The following LRIF1 variants were observed in gnomAD, a reference collection of about 807,000 sequenced individuals.
LRIF1 encodes the protein ligand-dependent nuclear receptor-interacting factor 1.
LRIF1 carries 32 observed loss-of-function variants against 52.7 expected under a neutral mutation model. The ratio of observed to expected loss-of-function variants is 0.61; its 90% CI spans 0.46 to 0.82. The LOEUF is 0.82. Among genes scored for constraint, LRIF1 ranks in the 40% least tolerant of loss-of-function variants. The pLI is 0.00. For missense variants in LRIF1, 887 were observed against 892.0 expected, an observed-to-expected ratio of 0.99 and a Z score of 0.07; for synonymous variants, 323 against 317.4, an observed-to-expected ratio of 1.02 and a Z score of -0.19.
the LRIF1 span, chr1:110,937,168 T>C: frequency 1.3e-5 from 2 of 152,106 alleles, no homozygotes; most frequent in African/African-American, 4.8e-5. Flanking sequence ...ATTGGACATA[T>C]CTTTCAGACA....
In LRIF1 at chr1:110,950,631, C is replaced by A. The variant is rs528053854; in HGVS notation, c.1597-508G>T. Among the ~76,000 whole-genome samples, 11 of 151,910 alleles carry A rather than the reference C, an allele frequency of 7.2e-5. 1 individual carries two copies. In the East Asian group the frequency reaches 2.1e-3, roughly 29 times the overall value. Reference sequence around the variant, plus strand: ...TCTAGTAAGCACACAGACAGACAAACCTTAAGTCGAACATAAAGGTAACTA... The same window carrying A: ...TCTAGTAAGCACACAGACAGACAAAACTTAAGTCGAACATAAAGGTAACTA... On this transcript the variant is annotated intron_variant, in intron 2 of 3. Coordinates refer to ENST00000369763, the MANE Select transcript of LRIF1 (RefSeq NM_018372.4).
At chr1:110,877,524 C>A in the LRIF1 span, among the ~76,000 whole-genome samples, 2 of 152,252 alleles carry the variant, frequency 1.3e-5, no homozygotes, top group Admixed American at 1.3e-4. Flanking sequence ...AGTCCCTGTC[C>A]CACCTCAGCT....
chr1:110,937,328 T>G, the LRIF1 span: 1 of 152,036 alleles, frequency 6.6e-6, no homozygotes, highest in Non-Finnish European at 1.5e-5. Context: ...ATATTTTAGG[T>G]AACAAAACGA....
the LRIF1 span, among the ~76,000 whole-genome samples, chr1:110,929,551 C>T: frequency 1.8e-4 from 28 of 152,170 alleles, no homozygotes; most frequent in African/African-American, 6.7e-4. Context: ...TTGTGGCCCG[C>T]ATGTATGTCT....
the LRIF1 span, among the ~76,000 whole-genome samples, chr1:110,918,404 A>G: frequency 1.2e-4 from 19 of 152,192 alleles, no homozygotes; most frequent in Non-Finnish European, 2.8e-4. Flanking sequence ...TTACTAATAG[A>G]CAAAACATTT....
chr1:110,940,496 A>C, the LRIF1 span: 1 of 152,212 alleles, frequency 6.6e-6, no homozygotes, highest in African/African-American at 2.4e-5. Context: ...CCTCCAAAAA[A>C]AGAAATCAGT....
intron 1 of LRIF1, among the ~76,000 whole-genome samples, chr1:110,961,189 C>T (rs994205282): frequency 6.6e-6 from 1 of 152,186 alleles, no homozygotes; most frequent in Admixed American, 6.5e-5. Context: ...TACTCTCTTC[C>T]TTTACTACAT....
At chr1:110,899,187 G>A in the LRIF1 span, 3 of 1,612,496 alleles carry the variant, frequency 1.9e-6, no homozygotes, top group Non-Finnish European at 2.5e-6. Flanking sequence ...CCAGACCATA[G>A]GGCTATGATC....
At chr1:110,877,012 A>G in the LRIF1 span, among the ~76,000 whole-genome samples, 1 of 152,224 alleles carries the variant, frequency 6.6e-6, no homozygotes, top group Non-Finnish European at 1.5e-5. Flanking sequence ...GATCAAAACC[A>G]GGAAATTAAC....
chr1:110,920,333 C>T, the LRIF1 span, among the ~76,000 whole-genome samples: 1 of 152,104 alleles, frequency 6.6e-6, no homozygotes. Flanking sequence ...GTGGTACATC[C>T]AGACAATAGA....
At chr1:110,932,636 A>G in the LRIF1 span, among the ~76,000 whole-genome samples, 7 of 151,902 alleles carry the variant, frequency 4.6e-5, no homozygotes, top group African/African-American at 1.7e-4. Context: ...TTTATTATTG[A>G]TGCTTATCTT....
At chr1:110,923,249 G>A in the LRIF1 span, among the ~76,000 whole-genome samples, 61 of 152,166 alleles carry the variant, frequency 4.0e-4, no homozygotes, top group African/African-American at 1.2e-3. Flanking sequence ...GCAGTGAGCC[G>A]AGATCGCACC....
the LRIF1 span, among the ~76,000 whole-genome samples, chr1:110,881,376 C>T: frequency 1.3e-5 from 2 of 151,886 alleles, no homozygotes; most frequent in Non-Finnish European, 2.9e-5. Flanking sequence ...TTTATTTAAC[C>T]TCTTTCACTC....
At chr1:110,897,248 GAGA>G in the LRIF1 span, among the ~76,000 whole-genome samples, 1 of 152,184 alleles carries the variant, frequency 6.6e-6, no homozygotes, top group Non-Finnish European at 1.5e-5. Context: ...AATAGGCTCT[GAGA>G]AGAAGCCACA....
chr1:110,912,494 G>A, the LRIF1 span, among the ~76,000 whole-genome samples: 19 of 152,270 alleles, frequency 1.2e-4, no homozygotes, highest in African/African-American at 4.3e-4. Context: ...TTACAGGTGT[G>A]AGCCACTGCA....
At chr1:110,911,540 G>C in the LRIF1 span, among the ~76,000 whole-genome samples, 1 of 151,834 alleles carries the variant, frequency 6.6e-6, no homozygotes, top group African/African-American at 2.4e-5. Flanking sequence ...ACCTGGCAAA[G>C]ATAAAAAGAA....
the LRIF1 span, among the ~76,000 whole-genome samples, chr1:110,917,634 GTTTTTTTGTTTTTGT>G: frequency 1.1e-5 from 1 of 93,092 alleles, no homozygotes. Context: ...TATTTTTTTT[GTTTTTTTGTTTTTGT>G]TTTTTTTTTT....
chr1:110,934,703 G>A, the LRIF1 span, among the ~76,000 whole-genome samples: 1 of 152,176 alleles, frequency 6.6e-6, no homozygotes, highest in African/African-American at 2.4e-5. Flanking sequence ...AGATGTCTAA[G>A]GTTTTTTACC....
intron 1 of LRIF1, among the ~76,000 whole-genome samples, chr1:110,956,610 C>A (rs1453690655): frequency 6.6e-6 from 1 of 152,128 alleles, no homozygotes; most frequent in Non-Finnish European, 1.5e-5. Flanking sequence ...GTAGATGCAG[C>A]AATTTCATCT....
Sources: allele counts gnomAD v4.1 joint callset (sites outside exome capture counted in the v4.1 genomes callset), GRCh38; gene constraint gnomAD v4.1.1; transcripts MANE v1.5; gene names NCBI Gene and HGNC (gene_info 2026-07-23, HGNC 2026-07-21).